The following CREB5 variants were observed in gnomAD, a reference collection of about 807,000 sequenced individuals.
CREB5 encodes the protein cyclic AMP-responsive element-binding protein 5.
Under a neutral mutation model 57.1 loss-of-function variants are expected in CREB5, and 19 were observed. That is an observed-to-expected ratio of 0.33 (90% confidence interval 0.23 to 0.49). The LOEUF (loss-of-function observed/expected upper bound fraction) is 0.49, where lower values mean the gene tolerates loss of function less well. CREB5 is among the 20% of genes least tolerant of loss of function. The pLI is 0.99. For synonymous variants in CREB5, 238 were observed against 238.3 expected (o/e 1.00, Z 0.01); for missense variants, 579 against 671.6 (o/e 0.86, Z 1.52).
At chr7:28,578,072 A>G (rs1795970713) in intron 5 of CREB5, among the ~76,000 whole-genome samples, 1 of 152,178 alleles carries the variant, frequency 6.6e-6, no homozygotes. Context: ...TAGAATTATT[A>G]TTATTTGGGG....
chr7:28,515,324 C>G (rs1792896983), intron 4 of CREB5, among the ~76,000 whole-genome samples: 1 of 152,316 alleles, frequency 6.6e-6, no homozygotes, highest in South Asian at 2.1e-4. Flanking sequence ...GCCTCCCTGT[C>G]TTTTGGATGT....
intron 5 of CREB5, among the ~76,000 whole-genome samples, chr7:28,706,723 G>T (rs1459863999): frequency 6.6e-6 from 1 of 152,172 alleles, no homozygotes; most frequent in African/African-American, 2.4e-5. Context: ...GGGAGAACTT[G>T]CAAGGTAGCT....
intron 1 of CREB5, among the ~76,000 whole-genome samples, chr7:28,417,456 G>A (rs931381646): frequency 2.0e-5 from 3 of 151,112 alleles, no homozygotes; most frequent in African/African-American, 4.9e-5. Context: ...CAATATCCAC[G>A]TGTGGTCGGT....
chr7:28,306,240 G>A (rs1306055433), intron 1 of CREB5, among the ~76,000 whole-genome samples: 3 of 152,108 alleles, frequency 2.0e-5, no homozygotes, highest in African/African-American at 7.2e-5. Context: ...TATTGTTTAC[G>A]GAGAGCTCTT....
At chr7:28,317,416 A>G (rs1039087469) in intron 1 of CREB5, among the ~76,000 whole-genome samples, 6 of 152,174 alleles carry the variant, frequency 3.9e-5, no homozygotes, top group African/African-American at 1.4e-4. Flanking sequence ...TTCAAAACAC[A>G]CTTTGAGTGG....
At chr7:28,560,971 T>C (rs867471385) in intron 4 of CREB5, among the ~76,000 whole-genome samples, 2,293 of 53,716 alleles carry the variant, frequency 0.043, 362 homozygotes, top group Non-Finnish European at 0.056. Flanking sequence ...CGTGTGTGTG[T>C]GCGTGTGTGC....
At chr7:28,724,371 A>G in intron 7 of CREB5, 39 bp downstream of exon 7, 1 of 1,556,994 alleles carries the variant, frequency 6.4e-7, no homozygotes, top group Non-Finnish European at 8.8e-7. Context: ...TTATTCTGTG[A>G]CTTTTTCTTT....
At chr7:28,377,947 A>AAAAAAAG (rs1562682461) in intron 1 of CREB5, among the ~76,000 whole-genome samples, 14 of 144,846 alleles carry the variant, frequency 9.7e-5, no homozygotes, top group East Asian at 6.0e-4. Flanking sequence ...AAAAAAAAAC[A>AAAAAAAG]AAAAAGAAAA....
At chr7:28,486,474 C>T (rs1354342290) in intron 1 of CREB5, among the ~76,000 whole-genome samples, 1 of 151,184 alleles carries the variant, frequency 6.6e-6, no homozygotes, top group East Asian at 2.0e-4. Context: ...CTACAAGTGG[C>T]ATTTTAAGAA....
chr7:28,686,529 C>T (rs979687545), intron 5 of CREB5, among the ~76,000 whole-genome samples: 2 of 151,002 alleles, frequency 1.3e-5, no homozygotes, highest in Non-Finnish European at 2.9e-5. Context: ...GCAAAAGGGC[C>T]ACAAATAAAG....
chr7:28,516,885 TGTGA>T (rs1244139638), intron 4 of CREB5, among the ~76,000 whole-genome samples: 1 of 152,208 alleles, frequency 6.6e-6, no homozygotes, highest in Non-Finnish European at 1.5e-5. Flanking sequence ...CATTTCCAGC[TGTGA>T]GTAATTCAGG....
chr7:28,534,911 G>C (rs1342562959), intron 4 of CREB5, among the ~76,000 whole-genome samples: 2 of 141,566 alleles, frequency 1.4e-5, no homozygotes, highest in African/African-American at 5.2e-5. Context: ...CTAATAGTTT[G>C]ACTCTGGAGT....
At chr7:28,453,389 T>C (rs1178175136) in intron 1 of CREB5, among the ~76,000 whole-genome samples, 1 of 152,106 alleles carries the variant, frequency 6.6e-6, no homozygotes, top group African/African-American at 2.4e-5. Flanking sequence ...CTGTGAGCCA[T>C]GATTGTGCCA....
Position 28,394,070 on chromosome 7 carries a change from C to CAAAAAAAAAA in CREB5, c.-25+94656_-25+94665dup, listed in dbSNP as rs56166148. ...TGGGGGATGGAGCAAGACTCTGTCT[C>CAAAAAAAAAA]AAAAAAAAAAAAAAAAAAAAAAAAA... On this transcript the variant is annotated intron_variant, in intron 1 of 9. Coordinates refer to the CREB5 transcript ENST00000396299. Among the ~76,000 whole-genome samples, 3 of 52,996 alleles carry CAAAAAAAAAA rather than the reference C, an allele frequency of 5.7e-5. 1 individual carries two copies. The highest frequency in any genetic ancestry group is 5.2e-4 in the East Asian group (1 of 1,924). 34.8% of individuals were successfully genotyped at this position (52,996 alleles called of 152,430 possible). A position where few individuals can be genotyped will look rare whatever the true frequency, so the allele number is the denominator to read the frequency against.
At chr7:28,327,361 A>T (rs1490900131) in intron 1 of CREB5, among the ~76,000 whole-genome samples, 1 of 152,160 alleles carries the variant, frequency 6.6e-6, no homozygotes, top group Non-Finnish European at 1.5e-5. Context: ...TGACTTGATG[A>T]CCTGCCTCAT....
chr7:28,323,143 T>G (rs955960978), intron 1 of CREB5, among the ~76,000 whole-genome samples: 4 of 152,152 alleles, frequency 2.6e-5, no homozygotes, highest in African/African-American at 9.7e-5. Context: ...CCCTAATTCT[T>G]TCATACCCTC....
intron 5 of CREB5, among the ~76,000 whole-genome samples, chr7:28,613,586 C>T (rs1361850716): frequency 6.6e-6 from 1 of 152,210 alleles, no homozygotes; most frequent in Admixed American, 6.5e-5. Flanking sequence ...GAGATAAGCT[C>T]TGGGACTACT....
chr7:28,389,981 T>C (rs1289098532), intron 1 of CREB5, among the ~76,000 whole-genome samples: 2 of 151,944 alleles, frequency 1.3e-5, no homozygotes, highest in African/African-American at 4.8e-5. Flanking sequence ...TCTGGTATCC[T>C]GGAGGCTCTG....
chr7:28,676,339 C>T (rs989659521), intron 5 of CREB5, among the ~76,000 whole-genome samples: 2 of 152,130 alleles, frequency 1.3e-5, no homozygotes, highest in African/African-American at 2.4e-5. Flanking sequence ...TGTCTGTCTC[C>T]GTGGCTGCTT....
Sources: allele counts gnomAD v4.1 joint callset (sites outside exome capture counted in the v4.1 genomes callset), GRCh38; gene constraint gnomAD v4.1.1; transcripts MANE v1.5; gene names NCBI Gene and HGNC (gene_info 2026-07-23, HGNC 2026-07-21).